Variants in ASB4 observed in about 807,000 individuals in gnomAD.
The protein encoded by ASB4 is ankyrin repeat and SOCS box protein 4.
In ASB4, 35 loss-of-function variants were observed where a neutral mutation model predicts 38.6. The observed-to-expected ratio is 0.91, with a 90% CI of 0.69 to 1.20. ASB4 has a LOEUF of 1.20. Among genes scored for constraint, ASB4 ranks in the 50% most tolerant of loss-of-function variants. ASB4 has a pLI of 0.00. For synonymous variants in ASB4, 195 were observed against 201.3 expected (o/e 0.97, Z 0.26); for missense variants, 557 against 527.2 (o/e 1.06, Z -0.55).
intron 4 of ASB4, 85 bp from the exon 5 acceptor site, chr7:95,537,486 A>G (rs1790911722): frequency 1.7e-6 from 2 of 1,202,662 alleles, no homozygotes; most frequent in Non-Finnish European, 1.2e-6. Context: ...CATTACGTAT[A>G]GAGGTTAGTT....
chr7:95,541,811 T>C (rs1790974101), downstream of ASB4, among the ~76,000 whole-genome samples: 1 of 152,110 alleles, frequency 6.6e-6, no homozygotes, highest in Non-Finnish European at 1.5e-5. Context: ...AGGACATAGA[T>C]TAGCAATGAG....
At chr7:95,511,905 T>C (rs1031482352) in intron 2 of ASB4, among the ~76,000 whole-genome samples, 7 of 152,144 alleles carry the variant, frequency 4.6e-5, no homozygotes, top group African/African-American at 1.2e-4. Flanking sequence ...TTTGCTACTT[T>C]AGAGTCCTGC....
At chr7:95,504,085 A>G (rs958610720) in intron 2 of ASB4, among the ~76,000 whole-genome samples, 1 of 152,118 alleles carries the variant, frequency 6.6e-6, no homozygotes, top group South Asian at 2.1e-4. Flanking sequence ...GCATTTCCCT[A>G]TGAATAAAGA....
At chr7:95,494,350 C>G (rs1210723134) in intron 1 of ASB4, among the ~76,000 whole-genome samples, 1 of 152,178 alleles carries the variant, frequency 6.6e-6, no homozygotes, top group Non-Finnish European at 1.5e-5. Flanking sequence ...GTTCTGGACA[C>G]TACACTTTTA....
rs541069596 is a variant in ASB4, at chr7:95,511,675, T to A, written c.487+15618T>A. ...AAAACTCCGTCTCAAAAAAAAAAAA[T>A]AAATAAATAAAAATAACAACAGCTG... On this transcript the variant is annotated intron_variant, in intron 2 of 4. Coordinates refer to ENST00000325885, the MANE Select transcript of ASB4 (RefSeq NM_016116.3). Among the ~76,000 whole-genome samples, 161 of 150,376 alleles carry A rather than the reference T, an allele frequency of 1.1e-3. 1 individual carries two copies. Among genetic ancestry groups the A allele is most frequent in the Middle Eastern group, 3.4e-3 (1 of 294 alleles).
At chr7:95,473,366 G>A in the ASB4 span, among the ~76,000 whole-genome samples, 8 of 152,282 alleles carry the variant, frequency 5.3e-5, no homozygotes, top group Non-Finnish European at 1.0e-4. Flanking sequence ...CATTTTAGAC[G>A]TGAAGGACCC....
At chr7:95,511,553 T>C (rs763227024) in intron 2 of ASB4, among the ~76,000 whole-genome samples, 2 of 151,856 alleles carry the variant, frequency 1.3e-5, no homozygotes, top group Non-Finnish European at 2.9e-5. Flanking sequence ...TCACAGCTAC[T>C]TGGGAGGCTG....
intron 2 of ASB4, among the ~76,000 whole-genome samples, chr7:95,502,106 TA>T (rs67149513): frequency 0.37 from 47,591 of 127,228 alleles, 8,134 homozygotes; most frequent in Non-Finnish European, 0.44. Flanking sequence ...GGCTAACAAC[TA>T]AAAAAAAAAG....
chr7:95,513,110 C>G (rs1487539490), intron 2 of ASB4, among the ~76,000 whole-genome samples: 1 of 151,936 alleles, frequency 6.6e-6, no homozygotes, highest in Non-Finnish European at 1.5e-5. Flanking sequence ...CCATTGTTAG[C>G]TTTGAAGATG....
chr7:95,488,388 C>G (rs1790123231), intron 1 of ASB4, among the ~76,000 whole-genome samples: 1 of 152,104 alleles, frequency 6.6e-6, no homozygotes, highest in South Asian at 2.1e-4. Flanking sequence ...TCACATGCTT[C>G]CAACCTTATC....
chr7:95,493,845 A>G (rs1790208638), intron 1 of ASB4, among the ~76,000 whole-genome samples: 1 of 152,164 alleles, frequency 6.6e-6, no homozygotes, highest in Non-Finnish European at 1.5e-5. Context: ...ATTTCAGTCT[A>G]TATAGAACTG....
At chr7:95,536,367 G>C (rs573967562) in intron 3 of ASB4, 70 bp from the exon 4 acceptor site, 1 of 985,982 alleles carries the variant, frequency 1.0e-6, no homozygotes, top group Admixed American at 2.1e-5. Context: ...AATTCTTGAT[G>C]TCTCTGTGAG....
upstream of ASB4, among the ~76,000 whole-genome samples, chr7:95,476,889 C>T (rs1206855136): frequency 2.0e-5 from 3 of 152,082 alleles, no homozygotes; most frequent in South Asian, 6.2e-4. Context: ...AAGGGACAAC[C>T]CACTCCTCCT....
chr7:95,541,988 GC>G (rs1339859885), downstream of ASB4, among the ~76,000 whole-genome samples: 2 of 151,914 alleles, frequency 1.3e-5, no homozygotes, highest in Admixed American at 1.3e-4. Context: ...AATCACTTGA[GC>G]CCACGAGTTC....
chr7:95,522,608 A>G (rs1158155515), intron 2 of ASB4, among the ~76,000 whole-genome samples: 1 of 152,132 alleles, frequency 6.6e-6, no homozygotes, highest in Non-Finnish European at 1.5e-5. Flanking sequence ...AAGTGTCTGG[A>G]AGGGTTGGGA....
At chr7:95,525,053 A>C (rs1406973375) in intron 2 of ASB4, among the ~76,000 whole-genome samples, 1 of 152,198 alleles carries the variant, frequency 6.6e-6, no homozygotes, top group Non-Finnish European at 1.5e-5. Flanking sequence ...AAGAACCCAG[A>C]TTTTCCTGCA....
intron 2 of ASB4, among the ~76,000 whole-genome samples, chr7:95,505,121 G>C (rs1048946076): frequency 2.6e-5 from 4 of 152,140 alleles, no homozygotes; most frequent in African/African-American, 7.2e-5. Context: ...GGCACAAAGA[G>C]AAGAGAAAAA....
chr7:95,515,155 TTCTTTC>T lies in ASB4; in HGVS notation c.488-12644_488-12639del, dbSNP rs1322033924. On this transcript the variant is annotated intron_variant, in intron 2 of 4. Transcript: ENST00000325885. ...TGTCCAAGCAATTGTTTTTCTTTCT[TTCTTTC>T]TCTTTCTCTTTCTTTCTTTCTTTCT... Among the ~76,000 whole-genome samples, 1,258 of 141,882 alleles carry T rather than the reference TTCTTTC, an allele frequency of 8.9e-3. 21 individuals carry two copies. Among genetic ancestry groups the T allele is most frequent in the Middle Eastern group, 0.026 (7 of 268 alleles). 93.1% of individuals were successfully genotyped at this position (141,882 alleles called of 152,430 possible). A position where few individuals can be genotyped will look rare whatever the true frequency, so the allele number is the denominator to read the frequency against.
chr7:95,521,232 A>G (rs1214171977), intron 2 of ASB4, among the ~76,000 whole-genome samples: 1 of 152,096 alleles, frequency 6.6e-6, no homozygotes, highest in African/African-American at 2.4e-5. Flanking sequence ...TTTGAATATG[A>G]CCTTTATTAT....
Sources: allele counts gnomAD v4.1 joint callset (sites outside exome capture counted in the v4.1 genomes callset), GRCh38; gene constraint gnomAD v4.1.1; transcripts MANE v1.5; gene names NCBI Gene and HGNC (gene_info 2026-07-23, HGNC 2026-07-21).